Variants in LPGAT1 observed in about 807,000 individuals in gnomAD.
LPGAT1 encodes acyl-CoA:lysophosphatidylglycerol acyltransferase 1.
LPGAT1 carries 11 observed loss-of-function variants against 47.5 expected under a neutral mutation model. That is an observed-to-expected ratio of 0.23 (90% CI 0.15 to 0.38). The LOEUF (loss-of-function observed/expected upper bound fraction) is 0.38. Ranked by LOEUF, LPGAT1 falls within the 10% of genes least tolerant of loss-of-function variation. The pLI, the probability that LPGAT1 is intolerant of heterozygous loss-of-function variation, is 1.00. For synonymous variants in LPGAT1, 138 were observed against 144.2 expected (o/e 0.96, Z 0.31); for missense variants, 293 against 439.0 (o/e 0.67, Z 2.97).
Position 211,749,798 on chromosome 1 carries a change from C to CT in LPGAT1, c.*100dup, listed in dbSNP as rs558648709. The CT allele has an allele frequency of 2.9e-4, 373 of 1,276,644 alleles. 1 individual carries two copies. In the African/African-American group the frequency reaches 3.4e-3, roughly 12 times the overall value. 79.1% of individuals were successfully genotyped at this position (1,276,644 alleles called of 1,614,324 possible). On this transcript the variant is annotated 3_prime_UTR_variant, in exon 8 of 8. Transcript: ENST00000366997. ...TAATCCATCCATTGAATTTCTTTTG[C>CT]TTTTTTTTAAATATATTCTGATTTG...
intron 6 of LPGAT1, among the ~76,000 whole-genome samples, chr1:211,752,602 A>G (rs189324883): frequency 6.6e-5 from 10 of 152,324 alleles, no homozygotes; most frequent in Non-Finnish European, 1.5e-4. Context: ...AAAAGACCCC[A>G]CGACAGTTAC....
chr1:211,806,542 G>A (rs929754770), intron 2 of LPGAT1, among the ~76,000 whole-genome samples: 1 of 152,156 alleles, frequency 6.6e-6, no homozygotes, highest in Non-Finnish European at 1.5e-5. Flanking sequence ...TGGAGGAAGG[G>A]GGAAAGGATG....
chr1:211,775,724 T>A (rs890385584), intron 6 of LPGAT1, among the ~76,000 whole-genome samples: 2 of 151,656 alleles, frequency 1.3e-5, no homozygotes, highest in Admixed American at 1.3e-4. Flanking sequence ...AGGTCGGGAG[T>A]TCGAGACCAG....
intron 6 of LPGAT1, among the ~76,000 whole-genome samples, chr1:211,764,437 G>GAC (rs1161700283): frequency 3.3e-5 from 5 of 152,110 alleles, no homozygotes; most frequent in Non-Finnish European, 7.3e-5. Flanking sequence ...AATGTTCATG[G>GAC]ACACTACCAG....
chr1:211,757,700 T>C (rs1028677802), intron 6 of LPGAT1, among the ~76,000 whole-genome samples: 1 of 152,188 alleles, frequency 6.6e-6, no homozygotes, highest in African/African-American at 2.4e-5. Context: ...TTAATATCAA[T>C]ATTGATGTAA....
intron 2 of LPGAT1, among the ~76,000 whole-genome samples, chr1:211,816,233 A>G (rs1363458708): frequency 6.6e-6 from 1 of 152,010 alleles, no homozygotes; most frequent in Non-Finnish European, 1.5e-5. Context: ...ATCCTCTCAT[A>G]GCCCTTTTCA....
rs1044788 is a variant in LPGAT1 at position 211,743,717 on chromosome 1, G to A, written c.*6182C>T. 2 of 152,036 alleles carry A rather than the reference G, an allele frequency of 1.3e-5. No homozygotes were observed. Among genetic ancestry groups the A allele is most frequent in the African/African-American group, 2.4e-5 (1 of 41,414 alleles). The allele number at this position is 152,036 out of a possible 1,614,324, so 9.4% of individuals were successfully genotyped here. Reference sequence around the variant, plus strand: ...TCTGAGTGCTTCCAATTTGTTTTCAGGCCTCTGTCCCCAGTCTGTTCCTTG... The same window carrying A: ...TCTGAGTGCTTCCAATTTGTTTTCAAGCCTCTGTCCCCAGTCTGTTCCTTG... On this transcript the variant is annotated 3_prime_UTR_variant, in exon 8 of 8. Transcript: ENST00000366997.
At chr1:211,779,739 C>T (rs1431208897) in intron 5 of LPGAT1, among the ~76,000 whole-genome samples, 2 of 152,066 alleles carry the variant, frequency 1.3e-5, no homozygotes, top group African/African-American at 4.8e-5. Context: ...GTAGTCCCAG[C>T]TGTTTGGGAG....
chr1:211,783,442 T>G lies in LPGAT1; in HGVS notation c.514A>C (p.Arg172=). 6.2e-7 allele frequency: 1 copy of G among 1,614,126 alleles called. No homozygotes were observed. Among genetic ancestry groups the G allele is most frequent in the Middle Eastern group, 1.7e-4 (1 of 6,028 alleles). ...LLKKHLENNY[R]SRDRKWIVLF... is the part of the protein sequence containing the mutation. ...ACAATCCATTTTCGATCTCTGCTCC[T>G]GTAATTATTTTCTAAGTGCTTCTTG... The change falls in exon 5 of 8, where the codon AGG becomes CGG. Residue 172 remains arginine, a synonymous_variant. Transcript: ENST00000366997.
chr1:211,782,030 G>T (rs1658661991), intron 5 of LPGAT1, among the ~76,000 whole-genome samples: 1 of 152,050 alleles, frequency 6.6e-6, no homozygotes, highest in South Asian at 2.1e-4. Context: ...AGCAATCACT[G>T]CTAACATTTT....
intron 2 of LPGAT1, among the ~76,000 whole-genome samples, chr1:211,795,190 G>A (rs886121743): frequency 1.3e-5 from 2 of 152,036 alleles, no homozygotes; most frequent in Non-Finnish European, 2.9e-5. Flanking sequence ...TTATGTTAGC[G>A]TATTTTACCA....
chr1:211,787,400 A>C (rs896330102), intron 4 of LPGAT1, among the ~76,000 whole-genome samples: 1 of 151,524 alleles, frequency 6.6e-6, no homozygotes, highest in South Asian at 2.1e-4. Flanking sequence ...AGGCATGAGA[A>C]TCACTTGAAC....
At chr1:211,772,040 G>A (rs1255247721) in intron 6 of LPGAT1, among the ~76,000 whole-genome samples, 3 of 152,088 alleles carry the variant, frequency 2.0e-5, no homozygotes, top group Admixed American at 6.5e-5. Flanking sequence ...ATACAGGCAC[G>A]GGCCATTGCA....
chr1:211,817,979 T>C (rs1660237140), intron 2 of LPGAT1, among the ~76,000 whole-genome samples: 1 of 152,118 alleles, frequency 6.6e-6, no homozygotes, highest in South Asian at 2.1e-4. Flanking sequence ...GGACTACAGG[T>C]ATGCACCACC....
At chr1:211,784,800 CTT>C (rs964039003) in intron 4 of LPGAT1, among the ~76,000 whole-genome samples, 2 of 127,210 alleles carry the variant, frequency 1.6e-5, no homozygotes, top group Non-Finnish European at 3.2e-5. Context: ...CACAAAGGTT[CTT>C]TCTTTTTTTT....
intron 5 of LPGAT1, among the ~76,000 whole-genome samples, chr1:211,780,425 C>G (rs879193290): frequency 6.6e-6 from 1 of 152,116 alleles, no homozygotes; most frequent in Non-Finnish European, 1.5e-5. Context: ...ACAGAGGATA[C>G]TGATGGCCAG....
chr1:211,795,164 A>C (rs1659297877), intron 2 of LPGAT1, among the ~76,000 whole-genome samples: 1 of 152,252 alleles, frequency 6.6e-6, no homozygotes, highest in Non-Finnish European at 1.5e-5. Flanking sequence ...CACTTGAAAA[A>C]TTAAGATGGT....
intron 6 of LPGAT1, among the ~76,000 whole-genome samples, chr1:211,762,312 T>G (rs1415790228): frequency 6.7e-6 from 1 of 148,886 alleles, no homozygotes; most frequent in Non-Finnish European, 1.5e-5. Flanking sequence ...AGAATGCTGG[T>G]GAAGTATCTA....
chr1:211,800,413 G>A (rs557603716), intron 2 of LPGAT1, among the ~76,000 whole-genome samples: 73 of 151,750 alleles, frequency 4.8e-4, no homozygotes, highest in Non-Finnish European at 7.8e-4. Context: ...CTTCCACTCC[G>A]CCTATCTATG....
Sources: allele counts gnomAD v4.1 joint callset (sites outside exome capture counted in the v4.1 genomes callset), GRCh38; gene constraint gnomAD v4.1.1; transcripts MANE v1.5; gene names NCBI Gene and HGNC (gene_info 2026-07-23, HGNC 2026-07-21).